PLEKHM3: variants seen among roughly 807,000 people sequenced by gnomAD.
PLEKHM3 encodes pleckstrin homology domain-containing family M member 3.
In PLEKHM3, 45 loss-of-function variants were observed where a neutral mutation model predicts 81.8. The observed-to-expected ratio is 0.55, with a 90% CI of 0.43 to 0.71. The LOEUF (loss-of-function observed/expected upper bound fraction) is 0.71, where lower values mean the gene tolerates loss of function less well. PLEKHM3 is among the 30% of genes least tolerant of loss of function. The pLI is 0.00. For synonymous variants in PLEKHM3, 352 were observed against 356.4 expected (o/e 0.99, Z 0.14); for missense variants, 788 against 924.3 (o/e 0.85, Z 1.91).
chr2:207,975,582 CTTTTTTTTTTTTT>C (rs11350409), intron 3 of PLEKHM3, among the ~76,000 whole-genome samples: 12 of 63,010 alleles, frequency 1.9e-4, no homozygotes, highest in Non-Finnish European at 3.4e-4. Flanking sequence ...GTTTTAAAAG[CTTTTTTTTTTTTT>C]TTTTTTTTTT....
At chr2:207,863,917 A>G (rs2105816774) in intron 6 of PLEKHM3, among the ~76,000 whole-genome samples, 1 of 150,100 alleles carries the variant, frequency 6.7e-6, no homozygotes, top group Non-Finnish European at 1.5e-5. Context: ...CAAAAAAAAT[A>G]TATATATATA....
chr2:207,936,609 T>C (rs1316048655), intron 4 of PLEKHM3, among the ~76,000 whole-genome samples: 1 of 152,128 alleles, frequency 6.6e-6, no homozygotes, highest in African/African-American at 2.4e-5. Flanking sequence ...TACAGGAAGC[T>C]ACAAGGTGAA....
At chr2:207,888,898 T>C (rs1004389698) in intron 6 of PLEKHM3, among the ~76,000 whole-genome samples, 10 of 152,162 alleles carry the variant, frequency 6.6e-5, no homozygotes, top group Non-Finnish European at 1.0e-4. Flanking sequence ...CTGTCTGTTA[T>C]TGTGTTTGCA....
At chr2:207,969,247 C>G (rs114262657) in intron 3 of PLEKHM3, among the ~76,000 whole-genome samples, 1,759 of 152,286 alleles carry the variant, frequency 0.012, 28 homozygotes, top group African/African-American at 0.04. Context: ...CTTTCTTTAC[C>G]TAGACTCACA....
intron 3 of PLEKHM3, among the ~76,000 whole-genome samples, chr2:207,971,477 C>T (rs577493082): frequency 1.1e-4 from 16 of 151,804 alleles, no homozygotes; most frequent in African/African-American, 3.6e-4. Context: ...TGCTAATTAC[C>T]CTGATCTGAT....
At chr2:207,877,697 G>A (rs528730671) in intron 6 of PLEKHM3, among the ~76,000 whole-genome samples, 2 of 152,262 alleles carry the variant, frequency 1.3e-5, no homozygotes, top group South Asian at 2.1e-4. Flanking sequence ...AAGGTAAAGT[G>A]CATAAATGTT....
At position 207,939,413 on chromosome 2, in the gene PLEKHM3, G is replaced by A. The variant is rs1689862443; in HGVS notation, c.1692+6954C>T. ...GGTGTGAAACAGCACGGTATGACAG[G>A]GAAATAGACGGATGGCTGTACTATT... On this transcript the variant is annotated intron_variant, in intron 4 of 7. Transcript: ENST00000427836. Among the ~76,000 whole-genome samples, 3 of 152,116 alleles carry A rather than the reference G, an allele frequency of 2.0e-5. No individual in the cohort carries two copies. The South Asian group carries it at 6.2e-4, about 32-fold the overall frequency.
intron 4 of PLEKHM3, among the ~76,000 whole-genome samples, chr2:207,936,622 C>T (rs1233725789): frequency 6.6e-6 from 1 of 152,060 alleles, no homozygotes; most frequent in Non-Finnish European, 1.5e-5. Flanking sequence ...AAGGTGAAAA[C>T]AAAGAGCATA....
chr2:207,838,003 A>G (rs2092330224), intron 7 of PLEKHM3, among the ~76,000 whole-genome samples: 1 of 149,902 alleles, frequency 6.7e-6, no homozygotes, highest in Non-Finnish European at 1.5e-5. Context: ...ACCTCCCAAC[A>G]TCAGGTGATC....
At chr2:207,930,436 T>A (rs980076958) in intron 5 of PLEKHM3, among the ~76,000 whole-genome samples, 1 of 151,298 alleles carries the variant, frequency 6.6e-6, no homozygotes, top group African/African-American at 2.4e-5. Flanking sequence ...AAAATAAAAA[T>A]AAAAAAATAA....
At chr2:207,973,760 A>G (rs1056982699) in intron 3 of PLEKHM3, among the ~76,000 whole-genome samples, 1 of 150,584 alleles carries the variant, frequency 6.6e-6, no homozygotes, top group Non-Finnish European at 1.5e-5. Flanking sequence ...AAAAAAAAGA[A>G]AGAAAACCAG....
At position 208,025,397 on chromosome 2, in the gene PLEKHM3, C is replaced by A. The variant is rs1329781320; in HGVS notation, c.-327G>T. Reference sequence around the variant, plus strand: ...AGCAGACGGATGCTCACCTGGGCCCCGGCTGCTACTCTCCATTCACCTGCG... The same window carrying A: ...AGCAGACGGATGCTCACCTGGGCCCAGGCTGCTACTCTCCATTCACCTGCG... On this transcript the variant is annotated 5_prime_UTR_variant, in exon 1 of 8. Coordinates refer to ENST00000427836, the MANE Select transcript of PLEKHM3 (RefSeq NM_001080475.3). The A allele has an allele frequency of 1.3e-5, 2 of 152,296 alleles. No individual in the cohort carries two copies. The highest frequency in any genetic ancestry group is 1.5e-5 in the Non-Finnish European group (1 of 68,118). 9.4% of individuals were successfully genotyped at this position (152,296 alleles called of 1,614,324 possible).
In PLEKHM3 at chr2:208,001,449, G is replaced by A. The variant is rs769241266; in HGVS notation, c.191C>T (p.Thr64Ile). The A allele has an allele frequency of 6.2e-7, 1 of 1,614,162 alleles. No homozygotes were observed. The highest frequency in any genetic ancestry group is 1.1e-5 in the South Asian group (1 of 91,080). The stretch of plus-strand genomic sequence containing the variant: ...AATCATGCCCCCCTTGCCCAGGGAG[G>A]TGACATTTCTCATAGCACCATTGTC... Reference protein sequence around the residue: ...ITDNGAMRNVTSLGKGGMIWD... With the variant: ...ITDNGAMRNVISLGKGGMIWD... The change falls in exon 2 of 8, where the codon ACC (threonine) becomes ATC (isoleucine). Residue 64 changes from threonine to isoleucine, a missense_variant. Thr to Ile is a moderately conservative substitution (Grantham distance 89). Transcript: ENST00000427836.
At chr2:207,979,684 C>A (rs1050165459) in intron 2 of PLEKHM3, among the ~76,000 whole-genome samples, 3 of 152,082 alleles carry the variant, frequency 2.0e-5, no homozygotes, top group Non-Finnish European at 4.4e-5. Flanking sequence ...TTGAGACATT[C>A]CCTAAAAAAG....
intron 7 of PLEKHM3, among the ~76,000 whole-genome samples, chr2:207,830,781 G>C (rs1298948373): frequency 6.6e-6 from 1 of 151,888 alleles, no homozygotes; most frequent in Non-Finnish European, 1.5e-5. Flanking sequence ...GCAGCGCCCT[G>C]TGGGGACATA....
At chr2:207,846,083 G>A (rs1285114234) in intron 7 of PLEKHM3, among the ~76,000 whole-genome samples, 3 of 152,188 alleles carry the variant, frequency 2.0e-5, no homozygotes, top group Admixed American at 1.3e-4. Context: ...CTTGTCAAAG[G>A]TCACACAAAT....
chr2:207,994,013 A>G, intron 2 of PLEKHM3, among the ~76,000 whole-genome samples: 1 of 152,176 alleles, frequency 6.6e-6, no homozygotes, highest in East Asian at 1.9e-4. Context: ...CAATTCAAAT[A>G]CATCCTAGAA....
At chr2:207,883,476 C>T (rs1018252085) in intron 6 of PLEKHM3, among the ~76,000 whole-genome samples, 6 of 152,204 alleles carry the variant, frequency 3.9e-5, no homozygotes, top group Admixed American at 3.9e-4. Flanking sequence ...ACATACATTT[C>T]TTAAATTACT....
chr2:207,861,355 A>AAG, intron 6 of PLEKHM3, 93 bp from the exon 7 acceptor site: 1 of 1,284,574 alleles, frequency 7.8e-7, no homozygotes, highest in Non-Finnish European at 1.1e-6. Flanking sequence ...TCCTTTACAC[A>AAG]ACAGGAAAAC....
Sources: gnomAD v4.1 joint callset for allele counts (sites outside exome capture counted in the v4.1 genomes callset) on GRCh38, gnomAD v4.1.1 for gene constraint, MANE v1.5 for transcripts, NCBI Gene and HGNC (gene_info 2026-07-23, HGNC 2026-07-21) for gene names.